The following RANBP2 variants were observed in gnomAD, a reference collection of about 807,000 sequenced individuals.
The protein encoded by RANBP2 is RAN binding protein 2, also known as E3 SUMO-protein ligase RanBP2.
A neutral mutation model predicts 303.6 loss-of-function variants in RANBP2; 57 were observed. The ratio of observed to expected loss-of-function variants is 0.19; its 90% CI spans 0.15 to 0.23. The LOEUF (loss-of-function observed/expected upper bound fraction) is 0.23, where lower values mean the gene tolerates loss of function less well. Ranked by LOEUF, RANBP2 falls within the 10% of genes least tolerant of loss-of-function variation. The probability of loss-of-function intolerance (pLI) is 1.00; values close to 1 mark genes in which losing one functional copy is unlikely to be tolerated. For synonymous variants in RANBP2, 1,167 were observed against 1,301.5 expected (o/e 0.90, Z 2.23); for missense variants, 3,138 against 3,780.8 (o/e 0.83, Z 4.46).
At chr2:109,379,786 G>T in the RANBP2 span, among the ~76,000 whole-genome samples, 1 of 152,020 alleles carries the variant, frequency 6.6e-6, no homozygotes, top group Admixed American at 6.5e-5. Context: ...GGTGAAGCCC[G>T]GTCATTGCCA....
the RANBP2 span, among the ~76,000 whole-genome samples, chr2:109,383,263 T>C: frequency 6.6e-6 from 1 of 152,182 alleles, no homozygotes; most frequent in South Asian, 2.1e-4. Flanking sequence ...GAAGAAACCA[T>C]GTCTGATTTT....
the RANBP2 span, among the ~76,000 whole-genome samples, chr2:109,251,930 G>A: frequency 3.9e-5 from 6 of 152,122 alleles, no homozygotes; most frequent in Non-Finnish European, 5.9e-5. Flanking sequence ...ATCGGCAAAA[G>A]TACCCCCCAA....
At chr2:108,850,200 A>T in the RANBP2 span, among the ~76,000 whole-genome samples, 8 of 152,252 alleles carry the variant, frequency 5.3e-5, no homozygotes, top group Non-Finnish European at 1.5e-5. Flanking sequence ...TCCTAAGAGT[A>T]GACTTAACTC....
the RANBP2 span, among the ~76,000 whole-genome samples, chr2:108,860,708 A>G: frequency 6.6e-6 from 1 of 151,800 alleles, no homozygotes; most frequent in East Asian, 1.9e-4. Flanking sequence ...GTTTGCCAGT[A>G]TTTTGTTGAG....
chr2:109,375,168 G>A, the RANBP2 span, among the ~76,000 whole-genome samples: 1 of 152,214 alleles, frequency 6.6e-6, no homozygotes, highest in Admixed American at 6.5e-5. Flanking sequence ...TGCTGCCCCT[G>A]GGCACTGACC....
the RANBP2 span, among the ~76,000 whole-genome samples, chr2:109,171,647 A>ATCCAGGGC: frequency 1.3e-5 from 2 of 152,234 alleles, no homozygotes; most frequent in Admixed American, 6.5e-5. Context: ...GCGGGAATGA[A>ATCCAGGGC]TCCAGGGCTC....
At chr2:109,343,270 C>A in the RANBP2 span, among the ~76,000 whole-genome samples, 3 of 152,218 alleles carry the variant, frequency 2.0e-5, no homozygotes, top group African/African-American at 7.2e-5. Context: ...TCTGGAGGTG[C>A]CGGGTGTCAC....
At chr2:109,198,242 G>A in the RANBP2 span, among the ~76,000 whole-genome samples, 2 of 152,164 alleles carry the variant, frequency 1.3e-5, no homozygotes, top group African/African-American at 4.8e-5. Flanking sequence ...CAGCCAGCCA[G>A]CCTGTGATCT....
chr2:109,708,974 C>T, the RANBP2 span, among the ~76,000 whole-genome samples: 2 of 149,248 alleles, frequency 1.3e-5, no homozygotes, highest in African/African-American at 4.9e-5. Context: ...AAGGCTCCCT[C>T]TCAAAAATAA....
At chr2:109,718,152 A>G in the RANBP2 span, among the ~76,000 whole-genome samples, 1 of 152,322 alleles carries the variant, frequency 6.6e-6, no homozygotes, top group Admixed American at 6.5e-5. Flanking sequence ...CCACTTTGGA[A>G]GAGAGTCTGG....
the RANBP2 span, among the ~76,000 whole-genome samples, chr2:109,385,369 C>T: frequency 1.3e-5 from 2 of 152,370 alleles, no homozygotes; most frequent in East Asian, 3.9e-4. Flanking sequence ...CCTGAGTCAC[C>T]TCCCATGTCA....
intron 20 of RANBP2, among the ~76,000 whole-genome samples, chr2:108,769,104 A>G (rs1360533326): frequency 6.6e-6 from 1 of 152,138 alleles, no homozygotes; most frequent in Admixed American, 6.5e-5. Flanking sequence ...TTGCTCATGT[A>G]TTAAATGAGC....
chr2:109,545,747 C>T, the RANBP2 span: 1 of 1,427,586 alleles, frequency 7.0e-7, no homozygotes, highest in Non-Finnish European at 9.1e-7. Flanking sequence ...CTGGGCTATT[C>T]AATAAGAGCA....
chr2:108,863,036 T>A, the RANBP2 span, among the ~76,000 whole-genome samples: 1 of 152,250 alleles, frequency 6.6e-6, no homozygotes, highest in Non-Finnish European at 1.5e-5. Flanking sequence ...TAGAACTTAC[T>A]TCTGAATATA....
chr2:108,982,138 C>G, the RANBP2 span, among the ~76,000 whole-genome samples: 1 of 152,238 alleles, frequency 6.6e-6, no homozygotes, highest in Non-Finnish European at 1.5e-5. Context: ...GGGGCCAGGT[C>G]TTTTATTTCT....
chr2:109,166,588 GA>G, the RANBP2 span, among the ~76,000 whole-genome samples: 2 of 152,076 alleles, frequency 1.3e-5, no homozygotes, highest in Non-Finnish European at 2.9e-5. Context: ...AGATTATTCA[GA>G]AAAAATTTAC....
the RANBP2 span, among the ~76,000 whole-genome samples, chr2:109,521,222 A>C: frequency 6.6e-6 from 1 of 152,158 alleles, no homozygotes; most frequent in Non-Finnish European, 1.5e-5. Context: ...CGTCTCAAAA[A>C]AAAAAAAAAG....
the RANBP2 span, among the ~76,000 whole-genome samples, chr2:109,083,973 C>T: frequency 4.6e-5 from 7 of 152,144 alleles, no homozygotes; most frequent in South Asian, 2.1e-4. Flanking sequence ...TGGTCTCCAG[C>T]GAGATCATGA....
At chr2:109,533,619 A>G in the RANBP2 span, among the ~76,000 whole-genome samples, 1 of 152,226 alleles carries the variant, frequency 6.6e-6, no homozygotes, top group African/African-American at 2.4e-5. Flanking sequence ...TTTTAACAGA[A>G]TAAACTTAAA....
Sources: allele counts gnomAD v4.1 joint callset (sites outside exome capture counted in the v4.1 genomes callset), GRCh38; gene constraint gnomAD v4.1.1; transcripts MANE v1.5; gene names NCBI Gene and HGNC (gene_info 2026-07-23, HGNC 2026-07-21).